The following XKR6 variants were observed in gnomAD, a reference collection of about 807,000 sequenced individuals.
XKR6 encodes XK related 6.
A neutral mutation model predicts 56.7 loss-of-function variants in XKR6; 22 were observed. That is an observed-to-expected ratio of 0.39 (90% confidence interval 0.28 to 0.55). The LOEUF is 0.55. XKR6 is among the 20% of genes least tolerant of loss of function. XKR6 has a pLI of 0.66. For missense variants in XKR6, 852 were observed against 889.0 expected, an observed-to-expected ratio of 0.96 and a Z score of 0.53; for synonymous variants, 524 against 387.8, an observed-to-expected ratio of 1.35 and a Z score of -4.13.
chr8:11,190,216 G>A (rs558894773), intron 1 of XKR6, among the ~76,000 whole-genome samples: 234 of 116,436 alleles, frequency 2.0e-3, no homozygotes, highest in African/African-American at 8.0e-3. Context: ...AAGAAAGAAA[G>A]AAAGAAAGAG....
intron 1 of XKR6, among the ~76,000 whole-genome samples, chr8:10,968,744 C>A (rs897531791): frequency 6.6e-6 from 1 of 152,116 alleles, no homozygotes; most frequent in Non-Finnish European, 1.5e-5. Context: ...AAAGAAAATA[C>A]GGGACTTTGA....
chr8:11,135,182 A>C (rs10095695), intron 1 of XKR6, among the ~76,000 whole-genome samples: 7,947 of 151,338 alleles, frequency 0.053, 720 homozygotes, highest in African/African-American at 0.18. Flanking sequence ...GGCGCCCACC[A>C]ACAAGCCTGG....
intron 2 of XKR6, among the ~76,000 whole-genome samples, chr8:10,919,458 T>C (rs994218693): frequency 2.6e-5 from 4 of 152,244 alleles, no homozygotes; most frequent in Non-Finnish European, 5.9e-5. Flanking sequence ...ATGCCTGTTA[T>C]GCTCCCCATT....
At chr8:11,024,218 T>TGC (rs1798811789) in intron 1 of XKR6, among the ~76,000 whole-genome samples, 3 of 81,516 alleles carry the variant, frequency 3.7e-5, no homozygotes, top group African/African-American at 1.9e-4. Context: ...TGTGTGTGTG[T>TGC]GTGTGTGTGT....
Position 11,113,197 on chromosome 8 carries a change from T to C in XKR6, c.764+87379A>G, listed in dbSNP as rs995844122. On this transcript the variant is annotated intron_variant, in intron 1 of 2. Coordinates refer to ENST00000416569, the MANE Select transcript of XKR6 (RefSeq NM_173683.4). ...GTTACATGTAGTGAAAGAAATGAAGTGGCGTAAACAACCACTTATTTGAAA... is the reference window on the plus strand; with the variant it reads ...GTTACATGTAGTGAAAGAAATGAAGCGGCGTAAACAACCACTTATTTGAAA... Among the ~76,000 whole-genome samples, 5 of 152,316 alleles carry C rather than the reference T, an allele frequency of 3.3e-5. No individual in the cohort carries two copies. In the South Asian group the frequency reaches 1.0e-3, roughly 32 times the overall value.
intron 1 of XKR6, among the ~76,000 whole-genome samples, chr8:10,945,053 A>C (rs913036695): frequency 2.0e-5 from 3 of 152,148 alleles, no homozygotes; most frequent in African/African-American, 7.2e-5. Flanking sequence ...ACTTCTGTAA[A>C]CATCCCAGGG....
chr8:11,057,692 C>T (rs531170832), intron 1 of XKR6, among the ~76,000 whole-genome samples: 3 of 152,332 alleles, frequency 2.0e-5, no homozygotes, highest in South Asian at 2.1e-4. Context: ...CTTGGTCTGA[C>T]GTCACCATCT....
At chr8:11,190,289 A>G (rs1379476983) in intron 1 of XKR6, among the ~76,000 whole-genome samples, 1 of 151,962 alleles carries the variant, frequency 6.6e-6, no homozygotes. Context: ...GGAAAATAAA[A>G]GAAAAGAAAA....
intron 1 of XKR6, among the ~76,000 whole-genome samples, chr8:11,041,921 T>G (rs1799296253): frequency 6.6e-6 from 1 of 152,198 alleles, no homozygotes; most frequent in Non-Finnish European, 1.5e-5. Context: ...AATGCAAATG[T>G]AAACCACACA....
intron 1 of XKR6, among the ~76,000 whole-genome samples, chr8:11,052,727 T>C (rs1344079453): frequency 7.1e-6 from 1 of 141,234 alleles, no homozygotes; most frequent in African/African-American, 2.6e-5. Flanking sequence ...CGACCCCTGT[T>C]TCCAGTTGGA....
chr8:11,178,004 C>A (rs1802748578), intron 1 of XKR6, among the ~76,000 whole-genome samples: 1 of 152,136 alleles, frequency 6.6e-6, no homozygotes, highest in South Asian at 2.1e-4. Flanking sequence ...AAACGGATCC[C>A]ATCGCACCTG....
chr8:10,997,072 G>A (rs747614159), intron 1 of XKR6, among the ~76,000 whole-genome samples: 12 of 152,192 alleles, frequency 7.9e-5, no homozygotes, highest in Admixed American at 2.0e-4. Flanking sequence ...CTTTCTCATC[G>A]TCTGCACCTT....
chr8:11,146,623 C>CAAA (rs544514802), intron 1 of XKR6, among the ~76,000 whole-genome samples: 1 of 61,270 alleles, frequency 1.6e-5, no homozygotes, highest in Non-Finnish European at 3.4e-5. Context: ...GAGACCCTGT[C>CAAA]AAAAAAAAAA....
At chr8:10,971,019 G>A (rs942420733) in intron 1 of XKR6, among the ~76,000 whole-genome samples, 3 of 151,654 alleles carry the variant, frequency 2.0e-5, no homozygotes, top group African/African-American at 7.3e-5. Flanking sequence ...GTGTTCAACT[G>A]CAGTCACATT....
At chr8:11,110,526 A>G (rs1798847938) in intron 1 of XKR6, among the ~76,000 whole-genome samples, 1 of 152,148 alleles carries the variant, frequency 6.6e-6, no homozygotes, top group African/African-American at 2.4e-5. Context: ...CTCAGTCTCT[A>G]TAGTTCCGTG....
intron 1 of XKR6, chr8:11,107,650 T>G (rs944415111): frequency 6.6e-6 from 1 of 152,548 alleles, no homozygotes; most frequent in Admixed American, 6.5e-5. Flanking sequence ...GCACATGTTG[T>G]AAAAGCCCAA....
intron 1 of XKR6, among the ~76,000 whole-genome samples, chr8:11,066,696 A>G (rs1353706818): frequency 1.3e-5 from 2 of 152,092 alleles, no homozygotes; most frequent in African/African-American, 4.8e-5. Context: ...ATTCTCATAC[A>G]CTGTTCTTTG....
At chr8:11,000,528 T>G (rs7813323) in intron 1 of XKR6, among the ~76,000 whole-genome samples, 29,907 of 151,828 alleles carry the variant, frequency 0.2, 3,260 homozygotes, top group South Asian at 0.28. Context: ...CTACTAAAAA[T>G]GCAAAAATTA....
intron 1 of XKR6, among the ~76,000 whole-genome samples, chr8:10,997,596 G>A (rs1000129380): frequency 6.6e-6 from 1 of 152,194 alleles, no homozygotes; most frequent in Non-Finnish European, 1.5e-5. Context: ...CATTCCAGGG[G>A]AGAGAATGTG....
Sources: allele counts gnomAD v4.1 joint callset (sites outside exome capture counted in the v4.1 genomes callset), GRCh38; gene constraint gnomAD v4.1.1; transcripts MANE v1.5; gene names NCBI Gene and HGNC (gene_info 2026-07-23, HGNC 2026-07-21).